ATXN1: variants seen among roughly 807,000 people sequenced by gnomAD.
ATXN1 encodes ataxin 1, also known as ataxin-1.
ATXN1 carries 8 observed loss-of-function variants against 56.4 expected under a neutral mutation model. The ratio of observed to expected loss-of-function variants is 0.14; its 90% confidence interval spans 0.08 to 0.26. The LOEUF is 0.26. Among genes scored for constraint, ATXN1 ranks in the 10% least tolerant of loss-of-function variants. The pLI is 1.00. For synonymous variants in ATXN1, 514 were observed against 494.6 expected (o/e 1.04, Z -0.52); for missense variants, 987 against 1,106.5 (o/e 0.89, Z 1.53).
At chr6:16,726,070 C>T (rs1334579734) in intron 2 of ATXN1, among the ~76,000 whole-genome samples, 1 of 152,174 alleles carries the variant, frequency 6.6e-6, no homozygotes, top group Non-Finnish European at 1.5e-5. Context: ...GCTTCTTATA[C>T]CCTGTGAACT....
chr6:16,352,996 C>G (rs567177057), intron 6 of ATXN1, among the ~76,000 whole-genome samples: 1 of 152,090 alleles, frequency 6.6e-6, no homozygotes, highest in Non-Finnish European at 1.5e-5. Context: ...GGTGACTCAC[C>G]GGCGGGGAGC....
intron 6 of ATXN1, among the ~76,000 whole-genome samples, chr6:16,378,537 CTTTATTTATTTATTTA>C (rs71535078): frequency 2.0e-5 from 3 of 146,786 alleles, no homozygotes; most frequent in African/African-American, 5.1e-5. Flanking sequence ...CCTCTCTTGA[CTTTATTTATTTATTTA>C]TTTATTTATT....
chr6:16,712,632 C>G (rs1759549647), intron 2 of ATXN1, among the ~76,000 whole-genome samples: 1 of 152,066 alleles, frequency 6.6e-6, no homozygotes, highest in Non-Finnish European at 1.5e-5. Context: ...CTCTTCCTCC[C>G]TCGACACCTC....
chr6:16,452,904 G>T (rs74951974), intron 6 of ATXN1, among the ~76,000 whole-genome samples: 2 of 152,162 alleles, frequency 1.3e-5, no homozygotes, highest in African/African-American at 4.8e-5. Context: ...AAAGTTTAGC[G>T]TAAACCTACT....
At chr6:16,425,857 G>A (rs1313748029) in intron 6 of ATXN1, among the ~76,000 whole-genome samples, 4 of 152,058 alleles carry the variant, frequency 2.6e-5, no homozygotes, top group Non-Finnish European at 4.4e-5. Flanking sequence ...TCCACATCCC[G>A]TAGCAGATGA....
intron 2 of ATXN1, among the ~76,000 whole-genome samples, chr6:16,750,897 G>A (rs763322135): frequency 2.6e-5 from 4 of 151,312 alleles, no homozygotes; most frequent in Non-Finnish European, 4.4e-5. Context: ...GCACATAACC[G>A]TTAAAATGAG....
At chr6:16,437,841 C>A (rs77054452) in intron 6 of ATXN1, among the ~76,000 whole-genome samples, 35 of 152,322 alleles carry the variant, frequency 2.3e-4, no homozygotes, top group Admixed American at 5.2e-4. Flanking sequence ...GTAAGGAGAG[C>A]TTCCTGTATT....
intron 6 of ATXN1, among the ~76,000 whole-genome samples, chr6:16,351,683 A>G (rs2113461002): frequency 6.6e-6 from 1 of 152,312 alleles, no homozygotes; most frequent in South Asian, 2.1e-4. Flanking sequence ...GATAACAGGC[A>G]TGAGCTACCA....
chr6:16,463,323 T>C (rs1261155811), intron 6 of ATXN1, among the ~76,000 whole-genome samples: 1 of 152,140 alleles, frequency 6.6e-6, no homozygotes, highest in African/African-American at 2.4e-5. Flanking sequence ...GTCCCAACAT[T>C]AACATTACCG....
At chr6:16,469,003 G>A (rs1187549178) in intron 6 of ATXN1, among the ~76,000 whole-genome samples, 1 of 152,176 alleles carries the variant, frequency 6.6e-6, no homozygotes, top group African/African-American at 2.4e-5. Flanking sequence ...AGATTTTAAG[G>A]TTTCTAAAAT....
chr6:16,628,264 T>C (rs576663462), intron 3 of ATXN1, among the ~76,000 whole-genome samples: 8 of 152,280 alleles, frequency 5.3e-5, no homozygotes, highest in African/African-American at 1.7e-4. Context: ...GGTTTATTTG[T>C]TTGTTTTGTT....
intron 3 of ATXN1, among the ~76,000 whole-genome samples, chr6:16,641,899 G>A (rs1763712946): frequency 6.6e-6 from 1 of 152,194 alleles, no homozygotes; most frequent in Non-Finnish European, 1.5e-5. Context: ...CATCAGTTTG[G>A]AAGAAGTTGA....
In ATXN1 at chr6:16,327,070, C is replaced by T; in HGVS notation, c.1241G>A (p.Ser414Asn). The change falls in exon 7 of 8, where the codon AGT becomes AAT. Residue 414 changes from serine (S) to asparagine (N), a missense_variant. Ser to Asn is a conservative substitution (Grantham distance 46, BLOSUM62 1). Transcript: ENST00000436367. ...EASPSTLNDK[S>N]GLHLGKPGHR... ...GCCAGGCTTCCCTAAATGCAGGCCA[C>T]TTTTGTCGTTGAGGGTAGAAGGGGA... 1 of 1,614,030 alleles carries T rather than the reference C, an allele frequency of 6.2e-7. No individual in the cohort carries two copies. The highest frequency in any genetic ancestry group is 8.5e-7 in the Non-Finnish European group (1 of 1,180,028).
intron 5 of ATXN1, among the ~76,000 whole-genome samples, chr6:16,491,277 ATTTTT>A (rs57395401): frequency 3.8e-5 from 5 of 132,212 alleles, no homozygotes; most frequent in Non-Finnish European, 7.9e-5. Context: ...TATTATTATT[ATTTTT>A]TTTTTTTTTT....
rs186465114 is a variant in ATXN1, at chr6:16,481,743, G to C, written c.-161+4229C>G. Among the ~76,000 whole-genome samples the C allele has an allele frequency of 6.3e-4, 96 of 152,180 alleles. 1 individual carries two copies. Among genetic ancestry groups the C allele is most frequent in the African/African-American group, 2.0e-3 (85 of 41,510 alleles). ...TTTTTTCATTCTAAGGTGTGCACTAGAATGAAGTGTTATTCAGTCAGCCCC... is the reference window on the plus strand; with the variant it reads ...TTTTTTCATTCTAAGGTGTGCACTACAATGAAGTGTTATTCAGTCAGCCCC... On this transcript the variant is annotated intron_variant, in intron 6 of 7. Coordinates refer to ENST00000436367, the MANE Select transcript of ATXN1 (RefSeq NM_001128164.2).
At chr6:16,339,934 C>T (rs1168208363) in intron 6 of ATXN1, among the ~76,000 whole-genome samples, 5 of 152,228 alleles carry the variant, frequency 3.3e-5, no homozygotes, top group African/African-American at 1.2e-4. Context: ...AGGCGCATGC[C>T]ACCATGCCCA....
chr6:16,650,980 A>G (rs1264182080), intron 3 of ATXN1, among the ~76,000 whole-genome samples: 6 of 152,238 alleles, frequency 3.9e-5, no homozygotes, highest in East Asian at 1.9e-4. Flanking sequence ...TAATTTGTCT[A>G]AAGTTTTTCT....
chr6:16,336,673 C>A (rs1191812501), intron 6 of ATXN1, among the ~76,000 whole-genome samples: 1 of 152,186 alleles, frequency 6.6e-6, no homozygotes, highest in Non-Finnish European at 1.5e-5. Context: ...AGCCTGCAAC[C>A]TGGCACAGGC....
chr6:16,419,088 T>C (rs1406591337), intron 6 of ATXN1, among the ~76,000 whole-genome samples: 1 of 152,148 alleles, frequency 6.6e-6, no homozygotes, highest in South Asian at 2.1e-4. Context: ...TGATGGTACA[T>C]ATGTCTTACA....
Sources: allele counts gnomAD v4.1 joint callset (sites outside exome capture counted in the v4.1 genomes callset), GRCh38; gene constraint gnomAD v4.1.1; transcripts MANE v1.5; gene names NCBI Gene and HGNC (gene_info 2026-07-23, HGNC 2026-07-21).